TRIOBP: variants seen among roughly 807,000 people sequenced by gnomAD.
The protein encoded by TRIOBP is TRIO and F-actin-binding protein.
A neutral mutation model predicts 238.8 loss-of-function variants in TRIOBP; 169 were observed. The observed-to-expected ratio is 0.71, with a 90% CI of 0.62 to 0.80. The LOEUF (loss-of-function observed/expected upper bound fraction) is 0.80. Ranked by LOEUF, TRIOBP falls within the 30% of genes least tolerant of loss-of-function variation. The pLI, the probability that TRIOBP is intolerant of heterozygous loss-of-function variation, is 0.00. For synonymous variants in TRIOBP, 1,150 were observed against 1,274.4 expected (o/e 0.90, Z 2.08); for missense variants, 2,838 against 3,122.6 (o/e 0.91, Z 2.17).
intron 15 of TRIOBP, among the ~76,000 whole-genome samples, chr22:37,756,187 G>A (rs980909816): frequency 2.0e-5 from 3 of 152,228 alleles, no homozygotes; most frequent in Admixed American, 1.3e-4. Flanking sequence ...TGGGCTGGGT[G>A]TAGTGGCTCA....
intron 10 of TRIOBP, among the ~76,000 whole-genome samples, chr22:37,739,958 C>G (rs1410708981): frequency 1.3e-5 from 2 of 152,212 alleles, no homozygotes; most frequent in African/African-American, 2.4e-5. Flanking sequence ...GAACTGATAA[C>G]CACCTCATTC....
intron 11 of TRIOBP, chr22:37,746,284 C>A: frequency 9.3e-7 from 1 of 1,078,376 alleles, no homozygotes; most frequent in Non-Finnish European, 1.1e-6. Flanking sequence ...AAGGAAGGGC[C>A]GGAGGCGCGG....
intron 15 of TRIOBP, 102 bp from the exon 16 acceptor site, chr22:37,757,511 G>A: frequency 6.7e-7 from 1 of 1,487,564 alleles, no homozygotes; most frequent in Admixed American, 2.0e-5. Flanking sequence ...TCTGTCTCCA[G>A]CCCCTGGCAC....
intron 3 of TRIOBP, 147 bp downstream of exon 3, chr22:37,701,626 G>A: frequency 1.5e-6 from 1 of 653,720 alleles, no homozygotes; most frequent in African/African-American, 1.8e-5. Flanking sequence ...TTGCAGGGAA[G>A]TGGTTGAACC....
intron 11 of TRIOBP, among the ~76,000 whole-genome samples, chr22:37,748,924 C>T (rs1238838978): frequency 2.6e-5 from 4 of 152,060 alleles, no homozygotes; most frequent in East Asian, 1.9e-4. Flanking sequence ...ATGAAGGGCC[C>T]GGAGTCCTGG....
chr22:37,755,071 C>T, intron 13 of TRIOBP, 30 bp from the exon 14 acceptor site: 1 of 1,611,866 alleles, frequency 6.2e-7, no homozygotes, highest in Non-Finnish European at 8.5e-7. Flanking sequence ...CCAGGGCCCA[C>T]ACGGACCATA....
Position 37,734,410 on chromosome 22 carries a change from C to T in TRIOBP, c.4074C>T (p.Leu1358=), listed in dbSNP as rs1336983623. 4 of 1,613,020 alleles carry T rather than the reference C, an allele frequency of 2.5e-6. No individual in the cohort carries two copies. Among genetic ancestry groups the T allele is most frequent in the Non-Finnish European group, 3.4e-6 (4 of 1,179,952 alleles). ...CACCTCATCCCCAGGTGACCATGCT[C>T]CCTGCCAAACAGGCAGAACTGACCC... ...SPAPSRQVTM[L]PAKQAELTRR... The change falls in exon 9 of 24, where the codon CTC becomes CTT. Residue 1358 remains leucine, a synonymous_variant. Transcript: ENST00000644935.
intron 4 of TRIOBP, among the ~76,000 whole-genome samples, chr22:37,710,817 C>T (rs1923199703): frequency 6.6e-6 from 1 of 152,216 alleles, no homozygotes; most frequent in South Asian, 2.1e-4. Context: ...GGCTGTCTCT[C>T]CCAGGGGCCC....
At position 37,734,708 on chromosome 22, in the gene TRIOBP, G is replaced by A. The variant is rs1335942264; in HGVS notation, c.4372G>A (p.Gly1458Ser). The A allele has an allele frequency of 4.4e-6, 7 of 1,608,264 alleles. No individual in the cohort carries two copies. Among genetic ancestry groups the A allele is most frequent in the Non-Finnish European group, 5.9e-6 (7 of 1,177,830 alleles). The change falls in exon 9 of 24, where the codon GGC becomes AGC. Residue 1458 changes from glycine (G) to serine (S), a missense_variant. Gly to Ser is a moderately conservative substitution (Grantham distance 56). This residue lies in a region of TRIOBP where 2,096 missense variants were observed against 2,137.4 expected (regional missense o/e 0.98). Coordinates refer to ENST00000644935, the MANE Select transcript of TRIOBP (RefSeq NM_001039141.3). ...SSQEGGLGPG[G>S]WWGCGEPSLG... ...CCAGGAGGGAGGCCTGGGCCCTGGG[G>A]GCTGGTGGGGATGTGGAGAGCCCAG...
chr22:37,721,569 C>T (rs1256473379), intron 6 of TRIOBP, among the ~76,000 whole-genome samples: 2 of 152,172 alleles, frequency 1.3e-5, no homozygotes, highest in Admixed American at 6.5e-5. Flanking sequence ...CCTCCACCTC[C>T]TGGGCTCAGG....
At position 37,726,068 on chromosome 22, in the gene TRIOBP, C is replaced by T. The variant is rs956274112; in HGVS notation, c.3512C>T (p.Ala1171Val). ...PTPVCIGHRD[A>V]PSFSSPPRQA... ...CCTGTGTGCATTGGGCACCGGGATG[C>T]ACCCTCCTTCTCATCCCCACCACGC... The change falls in exon 7 of 24, where the codon GCA becomes GTA. Residue 1171 changes from alanine to valine, a missense_variant. Transcript: ENST00000644935. 1.2e-5 allele frequency: 19 copies of T among 1,593,784 alleles called. No homozygotes were observed. The highest frequency in any genetic ancestry group is 1.6e-5 in the Non-Finnish European group (19 of 1,170,020).
At chr22:37,704,936 G>A (rs533948034) in intron 3 of TRIOBP, among the ~76,000 whole-genome samples, 1 of 151,554 alleles carries the variant, frequency 6.6e-6, no homozygotes, top group East Asian at 1.9e-4. Flanking sequence ...AGCCAGGCAG[G>A]ATGGTGCACA....
intron 16 of TRIOBP, 35 bp downstream of exon 16, chr22:37,758,173 T>TGCCCCAGC (rs1926047103): frequency 6.2e-7 from 1 of 1,608,392 alleles, no homozygotes; most frequent in East Asian, 2.2e-5. Context: ...GGAGGCCCCT[T>TGCCCCAGC]GCCCCAGCGC....
intron 2 of TRIOBP, among the ~76,000 whole-genome samples, chr22:37,699,372 A>T (rs1922525886): frequency 6.6e-6 from 1 of 151,574 alleles, no homozygotes; most frequent in Non-Finnish European, 1.5e-5. Context: ...CCTCCGAGAG[A>T]GCAGGGACAC....
chr22:37,750,043 G>A (rs1398059502), intron 11 of TRIOBP, among the ~76,000 whole-genome samples: 2 of 152,160 alleles, frequency 1.3e-5, no homozygotes, highest in African/African-American at 4.8e-5. Context: ...GTCTGTACTG[G>A]GCTCTGGAGG....
intron 12 of TRIOBP, among the ~76,000 whole-genome samples, chr22:37,754,417 C>CAAAA (rs11428898): frequency 3.6e-5 from 3 of 82,828 alleles, no homozygotes; most frequent in East Asian, 3.9e-4. Context: ...TCCTCCATCT[C>CAAAA]AAAAAAAAAA....
At chr22:37,747,239 G>A (rs1925329753) in intron 11 of TRIOBP, among the ~76,000 whole-genome samples, 1 of 152,224 alleles carries the variant, frequency 6.6e-6, no homozygotes, top group Non-Finnish European at 1.5e-5. Context: ...GTCACCCCAA[G>A]TATAAGAGAA....
chr22:37,723,665 C>G lies in TRIOBP; in HGVS notation c.1109C>G (p.Thr370Ser), dbSNP rs751261834. 6.2e-7 allele frequency: 1 copy of G among 1,613,978 alleles called. No homozygotes were observed. Among genetic ancestry groups the G allele is most frequent in the South Asian group, 1.1e-5 (1 of 91,076 alleles). The change falls in exon 7 of 24, where the codon ACT becomes AGT. Residue 370 changes from threonine (T) to serine (S), a missense_variant. Physicochemically the swap from Thr to Ser is moderately conservative, Grantham distance 58 (BLOSUM62 1). Transcript: ENST00000644935. ...GACAACCCCCAAACTTCTTTTCCTA[C>G]TTGTACTCCCCAGCGGGAAAACCCC... ...QQDNPQTSFPTCTPQRENPRT... is the reference protein window; with the variant it reads ...QQDNPQTSFPSCTPQRENPRT...
chr22:37,705,661 T>C (rs1922906010), intron 3 of TRIOBP, among the ~76,000 whole-genome samples: 2 of 151,638 alleles, frequency 1.3e-5, no homozygotes, highest in African/African-American at 4.8e-5. Context: ...CTGCAACCTC[T>C]GCCTCCCAGG....
Sources: allele counts gnomAD v4.1 joint callset (sites outside exome capture counted in the v4.1 genomes callset), GRCh38; gene constraint gnomAD v4.1.1; regional missense constraint gnomAD v4.1.1; transcripts MANE v1.5; gene names NCBI Gene and HGNC (gene_info 2026-07-23, HGNC 2026-07-21).